KAZN: variants seen among roughly 807,000 people sequenced by gnomAD.
KAZN encodes kazrin.
A neutral mutation model predicts 87.4 loss-of-function variants in KAZN; 40 were observed. The ratio of observed to expected loss-of-function variants is 0.46; its 90% confidence interval spans 0.36 to 0.60. KAZN has a LOEUF of 0.60. KAZN is among the 20% of genes least tolerant of loss of function. KAZN has a pLI of 0.00. For synonymous variants in KAZN, 466 were observed against 458.3 expected (o/e 1.02, Z -0.22); for missense variants, 898 against 1,073.9 (o/e 0.84, Z 2.29).
intron 1 of KAZN, among the ~76,000 whole-genome samples, chr1:14,016,912 G>A (rs1640598167): frequency 6.6e-6 from 1 of 152,140 alleles, no homozygotes; most frequent in South Asian, 2.1e-4. Context: ...TACTTTCCGG[G>A]TTAATTCAGG....
chr1:15,076,146 T>C (rs1639734096), intron 8 of KAZN, among the ~76,000 whole-genome samples: 1 of 152,104 alleles, frequency 6.6e-6, no homozygotes. Context: ...ACCAGAGCTG[T>C]GGTGGCAAGG....
chr1:14,696,929 G>A (rs1023245515), intron 1 of KAZN, among the ~76,000 whole-genome samples: 1 of 152,040 alleles, frequency 6.6e-6, no homozygotes, highest in African/African-American at 2.4e-5. Context: ...GCCAACAGGC[G>A]GGGGTCCTTG....
chr1:15,048,338 T>C (rs1424710543), intron 4 of KAZN, among the ~76,000 whole-genome samples: 1 of 152,252 alleles, frequency 6.6e-6, no homozygotes, highest in Non-Finnish European at 1.5e-5. Context: ...CATTTCCTGT[T>C]AAATCCTGAT....
chr1:14,291,154 G>A (rs796220284), intron 2 of KAZN, among the ~76,000 whole-genome samples: 17 of 152,344 alleles, frequency 1.1e-4, no homozygotes, highest in African/African-American at 4.1e-4. Flanking sequence ...ACCCACTTGA[G>A]GAGGCAGACT....
At chr1:14,459,994 C>T (rs925292620) in intron 2 of KAZN, among the ~76,000 whole-genome samples, 4 of 152,064 alleles carry the variant, frequency 2.6e-5, no homozygotes, top group African/African-American at 4.8e-5. Context: ...CAGGTGATAC[C>T]GTCAGAGCAG....
At chr1:15,010,501 C>T (rs1356038086) in intron 2 of KAZN, among the ~76,000 whole-genome samples, 2 of 150,966 alleles carry the variant, frequency 1.3e-5, no homozygotes, top group African/African-American at 4.9e-5. Context: ...CGCCATTCTC[C>T]TGCCTCAGCC....
chr1:15,004,730 A>C (rs1277830649), intron 2 of KAZN, among the ~76,000 whole-genome samples: 1 of 152,150 alleles, frequency 6.6e-6, no homozygotes, highest in Admixed American at 6.5e-5. Flanking sequence ...ATCTTGCTCC[A>C]CCCCTAGCAT....
intron 2 of KAZN, among the ~76,000 whole-genome samples, chr1:14,324,199 A>C (rs1401489914): frequency 6.6e-6 from 1 of 152,166 alleles, no homozygotes; most frequent in Non-Finnish European, 1.5e-5. Context: ...CTATCTCCCT[A>C]GTCCCTGACT....
chr1:14,664,437 G>T (rs185646881), intron 1 of KAZN, among the ~76,000 whole-genome samples: 103 of 152,210 alleles, frequency 6.8e-4, no homozygotes, highest in African/African-American at 2.2e-3. Context: ...TGCCTCAAAA[G>T]GAAGTAGAAT....
chr1:14,840,882 G>A (rs919353506), intron 1 of KAZN, among the ~76,000 whole-genome samples: 4 of 152,172 alleles, frequency 2.6e-5, no homozygotes, highest in African/African-American at 9.7e-5. Context: ...GCAATGCCAG[G>A]ATGCCAGATA....
At chr1:14,072,527 C>G (rs1175628032) in intron 1 of KAZN, among the ~76,000 whole-genome samples, 2 of 152,194 alleles carry the variant, frequency 1.3e-5, no homozygotes, top group Non-Finnish European at 2.9e-5. Flanking sequence ...GCTAATACTA[C>G]TCGTCTCCTA....
chr1:14,075,833 G>T (rs1163561674), intron 1 of KAZN, among the ~76,000 whole-genome samples: 1 of 152,036 alleles, frequency 6.6e-6, no homozygotes, highest in African/African-American at 2.4e-5. Flanking sequence ...GGACGTCAGT[G>T]GCACCCTGTT....
chr1:14,760,246 G>A lies in KAZN; in HGVS notation c.226+161023G>A, dbSNP rs139229032. Among the ~76,000 whole-genome samples, 463 of 152,088 alleles carry A rather than the reference G, an allele frequency of 3.0e-3. 4 individuals are homozygous for A. The highest frequency in any genetic ancestry group is 0.011 in the African/African-American group (437 of 41,494). ...ATACATCACTTGGGCCCAAATCCTC[G>A]TCTCAGGCTCTGCTTCTGAGAAACG... is the stretch of plus-strand genomic sequence containing the variant. On this transcript the variant is annotated intron_variant, in intron 1 of 14. Transcript: ENST00000376030.
intron 2 of KAZN, among the ~76,000 whole-genome samples, chr1:14,465,804 A>C (rs993151743): frequency 5.9e-5 from 9 of 152,214 alleles, no homozygotes; most frequent in African/African-American, 1.9e-4. Flanking sequence ...AGGCCAAATA[A>C]AAAATGTCTT....
chr1:14,569,320 C>CTTGTTTTT (rs1674720033), intron 2 of KAZN, among the ~76,000 whole-genome samples: 1 of 92,328 alleles, frequency 1.1e-5, no homozygotes, highest in African/African-American at 4.5e-5. Flanking sequence ...ACTTCCTCTG[C>CTTGTTTTT]TTTTTTTTTT....
chr1:13,959,837 T>C (rs1350594073), intron 1 of KAZN, among the ~76,000 whole-genome samples: 3 of 152,282 alleles, frequency 2.0e-5, no homozygotes, highest in Admixed American at 1.3e-4. Flanking sequence ...ATTCACTCTC[T>C]TTAGATTTGC....
At chr1:14,209,565 A>G (rs1646811766) in intron 2 of KAZN, among the ~76,000 whole-genome samples, 1 of 152,330 alleles carries the variant, frequency 6.6e-6, no homozygotes, top group African/African-American at 2.4e-5. Flanking sequence ...AGGCATAAAA[A>G]CACCAGTTTA....
At position 14,020,566 on chromosome 1, in the gene KAZN, GTT is replaced by G. The variant is rs1334364808; in HGVS notation, c.91+126813_91+126814del. Among the ~76,000 whole-genome samples the G allele has an allele frequency of 6.6e-5, 10 of 152,326 alleles. No individual in the cohort carries two copies. In the East Asian group the frequency reaches 1.9e-3, roughly 29 times the overall value. On this transcript the variant is annotated intron_variant, in intron 1 of 16. Coordinates refer to the KAZN transcript ENST00000636203. ...ACTGTGTTAAAGTGACTAGCAAACT[GTT>G]TTGTATAATTACACAATGGAATCTG... is the stretch of plus-strand genomic sequence containing the variant.
intron 1 of KAZN, among the ~76,000 whole-genome samples, chr1:14,079,831 G>C (rs1264258047): frequency 1.3e-5 from 2 of 152,100 alleles, no homozygotes; most frequent in Non-Finnish European, 2.9e-5. Flanking sequence ...ACTTGGGCTG[G>C]CACCAAGCCA....
Sources: allele counts gnomAD v4.1 joint callset (sites outside exome capture counted in the v4.1 genomes callset), GRCh38; gene constraint gnomAD v4.1.1; transcripts MANE v1.5; gene names NCBI Gene and HGNC (gene_info 2026-07-23, HGNC 2026-07-21).